The following WDR11 variants were observed in gnomAD, a reference collection of about 807,000 sequenced individuals.
WDR11 encodes the protein WD repeat domain 11, also known as WD repeat-containing protein 11.
Under a neutral mutation model 151.2 loss-of-function variants are expected in WDR11, and 83 were observed. The observed-to-expected ratio is 0.55, with a 90% CI of 0.46 to 0.66. WDR11 has a LOEUF of 0.66. Ranked by LOEUF, WDR11 falls within the 30% of genes least tolerant of loss-of-function variation. The probability of loss-of-function intolerance (pLI) is 0.00; values close to 1 mark genes in which losing one functional copy is unlikely to be tolerated. For missense variants in WDR11, 1,301 were observed against 1,480.9 expected (o/e 0.88, Z 1.99); for synonymous variants, 484 against 533.1 (o/e 0.91, Z 1.27).
At position 120,858,809 on chromosome 10, in the gene WDR11, T is replaced by G. The variant is rs1210115193; in HGVS notation, c.352+13T>G. 2 of 1,614,168 alleles carry G rather than the reference T, an allele frequency of 1.2e-6. No individual in the cohort carries two copies. Among genetic ancestry groups the G allele is most frequent in the South Asian group, 1.1e-5 (1 of 91,074 alleles). ...AAGCCTATCCAGGGTGAGGAAAGTC[T>G]GCTCAGCTAAGTGTGTATATTGATA... On this transcript the variant is annotated intron_variant, in intron 3 of 28. Coordinates refer to ENST00000263461, the MANE Select transcript of WDR11 (RefSeq NM_018117.12).
chr10:120,876,606 C>G (rs1846800586), intron 11 of WDR11, among the ~76,000 whole-genome samples: 1 of 152,000 alleles, frequency 6.6e-6, no homozygotes, highest in African/African-American at 2.4e-5. Context: ...GCTGAATCTT[C>G]TCTCTCTCTC....
Position 120,886,017 on chromosome 10 carries a change from G to C in WDR11, c.1973+79G>C, listed in dbSNP as rs548556080. On this transcript the variant is annotated intron_variant, in intron 15 of 28. Transcript: ENST00000263461. ...GGAAGTTGACAAGTATCATCGGAAG[G>C]TGTCTATGGTAGCAAGTTGGACTCT... 387 of 1,586,250 alleles carry C rather than the reference G, an allele frequency of 2.4e-4. 5 individuals carry two copies. In the South Asian group the frequency reaches 3.8e-3, roughly 16 times the overall value.
rs1053390146 is a variant in WDR11 at position 120,906,586 on chromosome 10, C to A, written c.3438-190C>A. On this transcript the variant is annotated intron_variant, in intron 27 of 28. Transcript: ENST00000263461. The stretch of plus-strand genomic sequence containing the variant: ...TTTTTAAAGTATTAATTTTAAAAAG[C>A]TTGTGTTTGGAGATGTGAGTATTCT... 1.9e-5 allele frequency: 27 copies of A among 1,444,128 alleles called. No homozygotes were observed. The Admixed American group carries it at 7.2e-4, about 38-fold the overall frequency. 89.5% of individuals were successfully genotyped at this position (1,444,128 alleles called of 1,614,324 possible). A position where few individuals can be genotyped will look rare whatever the true frequency, so the allele number is the denominator to read the frequency against.
intron 19 of WDR11, 134 bp downstream of exon 19, chr10:120,891,021 T>C (rs1847413409): frequency 2.1e-6 from 2 of 953,240 alleles, no homozygotes; most frequent in South Asian, 1.6e-5. Context: ...TAAGAAAATA[T>C]ATTAACTTGA....
chr10:120,882,808 T>G (rs1847065777), intron 13 of WDR11, among the ~76,000 whole-genome samples: 1 of 152,114 alleles, frequency 6.6e-6, no homozygotes, highest in African/African-American at 2.4e-5. Context: ...ATTTTTCCAT[T>G]TTCAATTTCA....
At chr10:120,878,317 G>C in intron 11 of WDR11, 36 bp from the exon 12 acceptor site, 1 of 1,470,490 alleles carries the variant, frequency 6.8e-7, no homozygotes, top group East Asian at 2.3e-5. Context: ...ATAAAAAAGA[G>C]AATTAGTTTA....
At chr10:120,861,664 A>T (rs1590059980) in intron 4 of WDR11, among the ~76,000 whole-genome samples, 3 of 152,322 alleles carry the variant, frequency 2.0e-5, no homozygotes, top group South Asian at 2.1e-4. Context: ...TGAATGTGCT[A>T]GGGTTGTCAT....
At chr10:120,864,024 C>T (rs562478617) in intron 5 of WDR11, among the ~76,000 whole-genome samples, 1 of 152,116 alleles carries the variant, frequency 6.6e-6, no homozygotes, top group East Asian at 1.9e-4. Flanking sequence ...TAAGTTTTCT[C>T]TCATATGAAT....
Position 120,871,075 on chromosome 10 carries a change from A to G in WDR11, c.1295-95A>G, listed in dbSNP as rs4281410. 287,676 of 1,247,706 alleles carry G rather than the reference A, an allele frequency of 0.23. 35,630 individuals carry two copies. The highest frequency in any genetic ancestry group is 0.39 in the African/African-American group (26,105 of 66,936). The allele number at this position is 1,247,706 out of a possible 1,614,324, so 77.3% of individuals were successfully genotyped here. ...ACTACATTAACTACATTATACTTTT[A>G]GACCTGAAGAGCATTTCTACTGAAA... On this transcript the variant is annotated intron_variant, in intron 9 of 28. Transcript: ENST00000263461.
chr10:120,858,513 T>G (rs1846025834), intron 2 of WDR11, 130 bp from the exon 3 acceptor site: 2 of 1,133,836 alleles, frequency 1.8e-6, no homozygotes, highest in Admixed American at 2.2e-5. Context: ...GAAAACCAGT[T>G]TTCTGTTTAT....
rs575185663 is a variant in WDR11, at chr10:120,889,105, G to C, written c.2149G>C (p.Ala717Pro). 6.2e-7 allele frequency: 1 copy of C among 1,613,624 alleles called. No homozygotes were observed. Among genetic ancestry groups the C allele is most frequent in the African/African-American group, 1.3e-5 (1 of 74,842 alleles). Residue 717 changes from alanine to proline, a missense_variant, in exon 17 of 29, where the codon GCT (alanine) becomes CCT (proline). Physicochemically the swap from Ala to Pro is conservative, Grantham distance 27. Transcript: ENST00000263461. Reference protein sequence around the residue: ...DGSMGSITCIAWKGDTLVLGD... With the variant: ...DGSMGSITCIPWKGDTLVLGD... The stretch of plus-strand genomic sequence containing the variant: ...AAGTATGGGTAGTATTACCTGCATC[G>C]CTTGGAAAGGTGATACATTAGTGCT...
chr10:120,871,269 C>T lies in WDR11; in HGVS notation c.1394C>T (p.Ala465Val). ...ACGGGACTGCTTTCAGGACTGCCCG[C>T]ACCACAGTTTGCTATTCGTATGTGT... Reference protein sequence around the residue: ...LLTGLLSGLPAPQFAIRMCPP... With the variant: ...LLTGLLSGLPVPQFAIRMCPP... The change falls in exon 10 of 29, where the codon GCA becomes GTA. Residue 465 changes from alanine (A) to valine (V), a missense_variant. Transcript: ENST00000263461. 1 of 1,614,106 alleles carries T rather than the reference C, an allele frequency of 6.2e-7. No homozygotes were observed. Among genetic ancestry groups the T allele is most frequent in the Non-Finnish European group, 8.5e-7 (1 of 1,180,018 alleles).
chr10:120,858,554 A>G, intron 2 of WDR11, 89 bp from the exon 3 acceptor site: 1 of 1,449,212 alleles, frequency 6.9e-7, no homozygotes. Context: ...ATATAAATGT[A>G]GTATGGGTTC....
At position 120,908,713 on chromosome 10, in the gene WDR11, A is replaced by T. The variant is rs752820009; in HGVS notation, c.3675A>T (p.Ter1225CysextTer9). Residue 1225 changes from the stop codon to cysteine (C), a stop_lost, in exon 29 of 29, where the codon TGA becomes TGT. Transcript: ENST00000263461. ...CCAAGGAAGAACCCATTGAAGAGTGACAGCTTAATAAATGCCAGGGAATCT... is the reference window on the plus strand; with the variant it reads ...CCAAGGAAGAACCCATTGAAGAGTGTCAGCTTAATAAATGCCAGGGAATCT... ...ESPKEEPIEE* is the reference protein window; with the variant it reads ...ESPKEEPIEEC The T allele has an allele frequency of 1.9e-6, 3 of 1,614,072 alleles. No homozygotes were observed. Among genetic ancestry groups the T allele is most frequent in the Non-Finnish European group, 2.5e-6 (3 of 1,180,030 alleles).
Position 120,903,148 on chromosome 10 carries a change from T to C in WDR11, c.2847T>C (p.Ala949=). 2 of 1,614,084 alleles carry C rather than the reference T, an allele frequency of 1.2e-6. No individual in the cohort carries two copies. The change falls in exon 23 of 29, where the codon GCT becomes GCC. Residue 949 remains alanine (A), a synonymous_variant. Coordinates refer to ENST00000263461, the MANE Select transcript of WDR11 (RefSeq NM_018117.12). The stretch of plus-strand genomic sequence containing the variant: ...AGGAAAAGTCAGCCAGCACAACAGC[T>C]CCTAAAGAAGCTGCTCCTCGAGACA... ...LSQEKSASTT[A]PKEAAPRDKL... is the part of the protein sequence containing the mutation.
chr10:120,851,635 G>A, intron 1 of WDR11, 129 bp downstream of exon 1: 1 of 1,122,140 alleles, frequency 8.9e-7, no homozygotes, highest in South Asian at 1.3e-5. Context: ...CTCACGCAAT[G>A]AGCTTGCTTT....
chr10:120,872,890 A>T (rs376588821), intron 10 of WDR11, among the ~76,000 whole-genome samples: 4 of 152,288 alleles, frequency 2.6e-5, no homozygotes, highest in African/African-American at 7.2e-5. Flanking sequence ...TAATATTGGA[A>T]TTTGCCCAGC....
chr10:120,905,859 A>C lies in WDR11; in HGVS notation c.3292-17A>C. 6.2e-7 allele frequency: 1 copy of C among 1,614,214 alleles called. No homozygotes were observed. Among genetic ancestry groups the C allele is most frequent in the Non-Finnish European group, 8.5e-7 (1 of 1,180,048 alleles). On this transcript the variant is annotated splice_polypyrimidine_tract_variant and intron_variant, in intron 26 of 28. Transcript: ENST00000263461. ...AGTGCAGGATGTTTTTGTTGTTAAC[A>C]CAGGCGTCTTTCTCAGGTCCGTTTG... is the stretch of plus-strand genomic sequence containing the variant.
At chr10:120,863,377 G>A (rs900258344) in intron 5 of WDR11, among the ~76,000 whole-genome samples, 2 of 152,116 alleles carry the variant, frequency 1.3e-5, no homozygotes, top group African/African-American at 4.8e-5. Flanking sequence ...AAGGCTCCGG[G>A]GGAAGCTTTA....
Sources: gnomAD v4.1 joint callset for allele counts (sites outside exome capture counted in the v4.1 genomes callset) on GRCh38, gnomAD v4.1.1 for gene constraint, MANE v1.5 for transcripts, NCBI Gene and HGNC (gene_info 2026-07-23, HGNC 2026-07-21) for gene names.